The following RTN3 variants were observed in gnomAD, a reference collection of about 807,000 sequenced individuals.
RTN3 encodes the protein reticulon 3.
RTN3 carries 49 observed loss-of-function variants against 77.8 expected under a neutral mutation model. The observed-to-expected ratio is 0.63, with a 90% CI of 0.50 to 0.80. RTN3 has a LOEUF of 0.80. Among genes scored for constraint, RTN3 ranks in the 30% least tolerant of loss-of-function variants. RTN3 has a pLI of 0.00. For missense variants in RTN3, 1,236 were observed against 1,211.9 expected, an observed-to-expected ratio of 1.02 and a Z score of -0.29; for synonymous variants, 464 against 446.9, an observed-to-expected ratio of 1.04 and a Z score of -0.48.
At chr11:63,713,745 T>C (rs1456857164) in intron 2 of RTN3, among the ~76,000 whole-genome samples, 1 of 152,252 alleles carries the variant, frequency 6.6e-6, no homozygotes, top group Non-Finnish European at 1.5e-5. Context: ...AGAACTAATT[T>C]AGAAAATGTT....
Position 63,681,709 on chromosome 11 carries a change from C to T in RTN3, c.73C>T (p.Pro25Ser). The T allele has an allele frequency of 1.2e-6, 2 of 1,610,768 alleles. No individual in the cohort carries two copies. Among genetic ancestry groups the T allele is most frequent in the South Asian group, 1.1e-5 (1 of 90,906 alleles). ...GTCCTTCGGAGCCGAGCCGTCCGCG[C>T]CCGGCGGCGGCGGGAGCCCAGGAGC... The part of the protein sequence containing the change: ...SSSFGAEPSA[P>S]GGGGSPGACP... The change falls in exon 1 of 9, where the codon CCC becomes TCC. Residue 25 changes from proline to serine, a missense_variant. Coordinates refer to ENST00000377819, the MANE Select transcript of RTN3 (RefSeq NM_001265589.2).
chr11:63,691,802 A>C (rs1175819529), intron 1 of RTN3, among the ~76,000 whole-genome samples: 1 of 152,084 alleles, frequency 6.6e-6, no homozygotes, highest in Non-Finnish European at 1.5e-5. Flanking sequence ...GGGTTATTGT[A>C]GATGCCGCCT....
chr11:63,688,414 G>A (rs1941484111), intron 1 of RTN3, among the ~76,000 whole-genome samples: 1 of 152,074 alleles, frequency 6.6e-6, no homozygotes, highest in South Asian at 2.1e-4. Flanking sequence ...AGTAGAGACA[G>A]GGTTTCACCA....
rs140145757 is a variant in RTN3, at chr11:63,747,246, C to T, written c.2531-2745C>T. ...TATCTGTTTGTTCTACTACTGATGACGTCGGCCCTCTAAGCCTTCTGTGTT... is the reference window on the plus strand; with the variant it reads ...TATCTGTTTGTTCTACTACTGATGATGTCGGCCCTCTAAGCCTTCTGTGTT... On this transcript the variant is annotated intron_variant, in intron 3 of 8. Coordinates refer to ENST00000377819, the MANE Select transcript of RTN3 (RefSeq NM_001265589.2). Among the ~76,000 whole-genome samples the T allele has an allele frequency of 3.5e-3, 540 of 152,324 alleles. 4 individuals are homozygous for T. The highest frequency in any genetic ancestry group is 0.012 in the African/African-American group (517 of 41,554).
rs144747835 is a variant in RTN3, at chr11:63,689,877, C to T, written c.142+8099C>T. 1.2e-3 allele frequency among the ~76,000 whole-genome samples: 186 copies of T among 152,194 alleles called. 5 individuals are homozygous for T. The East Asian group carries it at 0.033, about 27-fold the overall frequency. Reference sequence around the variant, plus strand: ...GGTTCAAGCGATTCTCCTGCCTCAGCCCCCTGAGTAGGTGGGATTGCAGGC... The same window carrying T: ...GGTTCAAGCGATTCTCCTGCCTCAGTCCCCTGAGTAGGTGGGATTGCAGGC... On this transcript the variant is annotated intron_variant, in intron 1 of 8. Transcript: ENST00000377819.
chr11:63,687,169 GT>G (rs1267389762), intron 1 of RTN3, among the ~76,000 whole-genome samples: 1 of 152,204 alleles, frequency 6.6e-6, no homozygotes, highest in Non-Finnish European at 1.5e-5. Context: ...GCAGTGTAAT[GT>G]GTTAAAACAC....
chr11:63,716,391 C>T (rs1316284046), intron 2 of RTN3, among the ~76,000 whole-genome samples: 1 of 152,298 alleles, frequency 6.6e-6, no homozygotes, highest in African/African-American at 2.4e-5. Context: ...CACATTTTCC[C>T]AGTTACTCAT....
intron 1 of RTN3, among the ~76,000 whole-genome samples, chr11:63,703,064 A>G (rs1411694193): frequency 6.6e-6 from 1 of 152,132 alleles, no homozygotes; most frequent in Admixed American, 6.6e-5. Context: ...CAGGTTCTAC[A>G]TCTGTGGATT....
intron 1 of RTN3, among the ~76,000 whole-genome samples, chr11:63,683,011 G>A (rs1350191322): frequency 6.6e-6 from 1 of 151,846 alleles, no homozygotes; most frequent in Admixed American, 6.6e-5. Context: ...TTAATGCTTC[G>A]TTGTCTCCTT....
At position 63,692,221 on chromosome 11, in the gene RTN3, C is replaced by T. The variant is rs755898744; in HGVS notation, c.142+10443C>T. ...TATTGTTAGTAGAGACAGGATTTCA[C>T]CATGTTGGTCAGACTGGTTTTGAAC... On this transcript the variant is annotated intron_variant, in intron 1 of 8. Coordinates refer to ENST00000377819, the MANE Select transcript of RTN3 (RefSeq NM_001265589.2). 1.2e-3 allele frequency among the ~76,000 whole-genome samples: 181 copies of T among 152,216 alleles called. 1 individual carries two copies. The highest frequency in any genetic ancestry group is 2.2e-3 in the Non-Finnish European group (147 of 68,024).
At position 63,681,710 on chromosome 11, in the gene RTN3, C is replaced by T. The variant is rs777965681; in HGVS notation, c.74C>T (p.Pro25Leu). ...SSSFGAEPSA[P>L]GGGGSPGACP... ...TCCTTCGGAGCCGAGCCGTCCGCGC[C>T]CGGCGGCGGCGGGAGCCCAGGAGCC... The change falls in exon 1 of 9, where the codon CCC (proline) becomes CTC (leucine). Residue 25 changes from proline (P) to leucine (L), a missense_variant. Pro to Leu is a moderately conservative substitution (Grantham distance 98, BLOSUM62 -3). Transcript: ENST00000377819. The T allele has an allele frequency of 1.9e-6, 3 of 1,610,360 alleles. No homozygotes were observed. The highest frequency in any genetic ancestry group is 1.7e-6 in the Non-Finnish European group (2 of 1,178,472).
chr11:63,689,671 C>A (rs1941553917), intron 1 of RTN3, among the ~76,000 whole-genome samples: 1 of 151,474 alleles, frequency 6.6e-6, no homozygotes, highest in South Asian at 2.1e-4. Flanking sequence ...TCTCCTATAA[C>A]CATATCATTG....
chr11:63,740,530 C>G (rs1486059868), intron 3 of RTN3, among the ~76,000 whole-genome samples: 1 of 150,854 alleles, frequency 6.6e-6, no homozygotes, highest in Non-Finnish European at 1.5e-5. Context: ...AACTCCTGAC[C>G]TCGTGATCCA....
chr11:63,696,206 G>C (rs1216986983), intron 1 of RTN3, among the ~76,000 whole-genome samples: 1 of 150,118 alleles, frequency 6.7e-6, no homozygotes, highest in East Asian at 2.0e-4. Context: ...TTGAGGTCAG[G>C]AGCAACATGG....
In RTN3 at chr11:63,720,294, G is replaced by C. The variant is rs140294717; in HGVS notation, c.1792G>C (p.Val598Leu). 2 of 1,613,196 alleles carry C rather than the reference G, an allele frequency of 1.2e-6. No individual in the cohort carries two copies. Among genetic ancestry groups the C allele is most frequent in the Non-Finnish European group, 8.5e-7 (1 of 1,179,630 alleles). Residue 598 changes from valine (V) to leucine (L), a missense_variant, in exon 3 of 9, where the codon GTT becomes CTT. Coordinates refer to ENST00000377819, the MANE Select transcript of RTN3 (RefSeq NM_001265589.2). ...TGTCTCCTTAGAAGATGTGAGTGAA[G>C]TTGCTCCTGAAAAGCCTATTACTAC... Reference protein sequence around the residue: ...TNVSLEDVSEVAPEKPITTEN... With the variant: ...TNVSLEDVSELAPEKPITTEN...
At chr11:63,729,450 TTTTTTTTTTG>T (rs1440905414) in intron 3 of RTN3, among the ~76,000 whole-genome samples, 245 of 127,690 alleles carry the variant, frequency 1.9e-3, no homozygotes, top group African/African-American at 7.0e-3. Context: ...TTTTTTTTTT[TTTTTTTTTTG>T]TTTGTTTGAG....
intron 2 of RTN3, among the ~76,000 whole-genome samples, chr11:63,706,038 A>C (rs987337809): frequency 8.0e-4 from 122 of 152,358 alleles, no homozygotes; most frequent in African/African-American, 2.8e-3. Flanking sequence ...TTGTGCAAAC[A>C]GTTTGTTGTT....
chr11:63,735,390 G>A (rs1441196735), intron 3 of RTN3, among the ~76,000 whole-genome samples: 1 of 152,148 alleles, frequency 6.6e-6, no homozygotes, highest in East Asian at 1.9e-4. Context: ...TAAGACCGCA[G>A]TACTAAAAGC....
intron 1 of RTN3, among the ~76,000 whole-genome samples, chr11:63,684,540 T>C (rs553498757): frequency 6.6e-6 from 1 of 150,998 alleles, no homozygotes; most frequent in East Asian, 2.0e-4. Context: ...TGATCTGCCC[T>C]CCTCGGCCTC....
Sources: gnomAD v4.1 joint callset for allele counts (sites outside exome capture counted in the v4.1 genomes callset) on GRCh38, gnomAD v4.1.1 for gene constraint, MANE v1.5 for transcripts, NCBI Gene and HGNC (gene_info 2026-07-23, HGNC 2026-07-21) for gene names.